Variants in DNM3 observed in about 807,000 individuals in gnomAD.
The protein encoded by DNM3 is dynamin-3.
In DNM3, 47 loss-of-function variants were observed where a neutral mutation model predicts 101.6. That is an observed-to-expected ratio of 0.46 (90% CI 0.37 to 0.59). The LOEUF is 0.59. Ranked by LOEUF, DNM3 falls within the 20% of genes least tolerant of loss-of-function variation. DNM3 has a pLI of 0.00. For synonymous variants in DNM3, 385 were observed against 387.9 expected, an observed-to-expected ratio of 0.99 and a Z score of 0.09; for missense variants, 849 against 1,085.7, an observed-to-expected ratio of 0.78 and a Z score of 3.06.
chr1:172,169,884 T>C (rs2058887628), intron 14 of DNM3, among the ~76,000 whole-genome samples: 1 of 151,914 alleles, frequency 6.6e-6, no homozygotes, highest in Non-Finnish European at 1.5e-5. Context: ...TTTCTTCTTT[T>C]GAAGAATTTT....
rs892331328 is a variant in DNM3, at chr1:172,408,178, T to C, written c.*337T>C. ...TCTAGGCTATCTACCAGGTAGCTCA[T>C]TAAACGTAATTCTTCAGATATGAGA... On this transcript the variant is annotated 3_prime_UTR_variant, in exon 21 of 21. Transcript: ENST00000627582. 8.3e-6 allele frequency: 9 copies of C among 1,088,386 alleles called. No individual in the cohort carries two copies. The East Asian group carries it at 1.8e-4, about 22-fold the overall frequency. The allele number at this position is 1,088,386 out of a possible 1,614,324, so 67.4% of individuals were successfully genotyped here. A position where few individuals can be genotyped will look rare whatever the true frequency, so the allele number is the denominator to read the frequency against.
chr1:172,308,112 A>AC (rs2064922027), intron 15 of DNM3, among the ~76,000 whole-genome samples: 1 of 152,186 alleles, frequency 6.6e-6, no homozygotes, highest in Non-Finnish European at 1.5e-5. Context: ...TCTTTTCTCT[A>AC]CTTTCCAAAT....
At chr1:172,210,991 A>G (rs1205229926) in intron 14 of DNM3, among the ~76,000 whole-genome samples, 1 of 152,092 alleles carries the variant, frequency 6.6e-6, no homozygotes, top group African/African-American at 2.4e-5. Flanking sequence ...ATTCTGACAA[A>G]TTTAAGAAAT....
At chr1:172,312,542 A>C (rs1396542116) in intron 16 of DNM3, among the ~76,000 whole-genome samples, 4 of 152,192 alleles carry the variant, frequency 2.6e-5, no homozygotes, top group Admixed American at 2.0e-4. Context: ...ATCACGTCCA[A>C]GTGATGGAAT....
At chr1:172,378,454 C>T (rs145601617) in intron 17 of DNM3, among the ~76,000 whole-genome samples, 99 of 152,162 alleles carry the variant, frequency 6.5e-4, no homozygotes, top group African/African-American at 2.0e-3. Flanking sequence ...CATGAATTTA[C>T]GTAACAAATT....
At chr1:171,949,977 A>G (rs1426182195) in intron 2 of DNM3, among the ~76,000 whole-genome samples, 1 of 152,210 alleles carries the variant, frequency 6.6e-6, no homozygotes, top group African/African-American at 2.4e-5. Context: ...CAACTTGAAT[A>G]CAAATAGCCA....
intron 16 of DNM3, among the ~76,000 whole-genome samples, chr1:172,316,165 A>C (rs1211910986): frequency 6.6e-6 from 1 of 152,146 alleles, no homozygotes; most frequent in Admixed American, 6.5e-5. Context: ...GAGAAATAAA[A>C]TACTTCACAG....
chr1:172,145,052 T>C, intron 14 of DNM3, among the ~76,000 whole-genome samples: 1 of 151,326 alleles, frequency 6.6e-6, no homozygotes, highest in East Asian at 1.9e-4. Flanking sequence ...GGCCCCAGTA[T>C]GGAAAAGCTG....
In DNM3 at chr1:172,064,131, T is replaced by C. The variant is rs527830186; in HGVS notation, c.1336-4688T>C. Among the ~76,000 whole-genome samples, 3 of 152,278 alleles carry C rather than the reference T, an allele frequency of 2.0e-5. No homozygotes were observed. In the East Asian group the frequency reaches 5.8e-4, roughly 29 times the overall value. On this transcript the variant is annotated intron_variant, in intron 10 of 20. Transcript: ENST00000627582. The stretch of plus-strand genomic sequence containing the variant: ...CATAAATTTAGGAATGTAATTATTA[T>C]AACTAATAGCAAATCCTTCATCCCT...
At chr1:172,340,399 G>A (rs574599075) in intron 17 of DNM3, among the ~76,000 whole-genome samples, 41 of 152,280 alleles carry the variant, frequency 2.7e-4, no homozygotes, top group African/African-American at 8.4e-4. Flanking sequence ...TACTTGGTCC[G>A]CATAGCTGGT....
intron 4 of DNM3, among the ~76,000 whole-genome samples, chr1:172,001,244 A>G (rs955512061): frequency 2.0e-5 from 3 of 152,058 alleles, no homozygotes; most frequent in African/African-American, 7.2e-5. Flanking sequence ...ATATCTGCCT[A>G]TCCTGGTAAG....
chr1:172,117,199 C>A (rs2055967498), intron 13 of DNM3, among the ~76,000 whole-genome samples: 1 of 150,314 alleles, frequency 6.7e-6, no homozygotes, highest in Admixed American at 6.6e-5. Context: ...GAGCAAAACT[C>A]CATCTCAAAA....
At chr1:172,238,929 G>C (rs2061642020) in intron 14 of DNM3, among the ~76,000 whole-genome samples, 1 of 152,122 alleles carries the variant, frequency 6.6e-6, no homozygotes, top group Non-Finnish European at 1.5e-5. Flanking sequence ...AAAGGCAAAT[G>C]ATTCTCTAAT....
rs1164290985 is a variant in DNM3, at chr1:172,408,021, T to A, written c.*180T>A. ...CATGGTATGTCAAACCTTTGGGGTT[T>A]GACTCAGAAACTGCTAACCTTTTAG... On this transcript the variant is annotated 3_prime_UTR_variant, in exon 21 of 21. Coordinates refer to ENST00000627582, the MANE Select transcript of DNM3 (RefSeq NM_015569.5). The A allele has an allele frequency of 6.9e-7, 1 of 1,446,554 alleles. No homozygotes were observed. Among genetic ancestry groups the A allele is most frequent in the Non-Finnish European group, 9.1e-7 (1 of 1,100,510 alleles). The allele number at this position is 1,446,554 out of a possible 1,614,324, so 89.6% of individuals were successfully genotyped here. A position where few individuals can be genotyped will look rare whatever the true frequency, so the allele number is the denominator to read the frequency against.
Position 171,965,090 on chromosome 1 carries a change from C to A in DNM3, c.236-22566C>A, listed in dbSNP as rs1356971065. On this transcript the variant is annotated intron_variant, in intron 2 of 20. Transcript: ENST00000627582. The stretch of plus-strand genomic sequence containing the variant: ...GACTGTCCCGAGTTCAAATGCCAAT[C>A]TCAAGTAGTGAGTCCCCAGGTAATC... Among the ~76,000 whole-genome samples, 8 of 152,168 alleles carry A rather than the reference C, an allele frequency of 5.3e-5. No individual in the cohort carries two copies. The East Asian group carries it at 1.5e-3, about 29-fold the overall frequency.
intron 4 of DNM3, among the ~76,000 whole-genome samples, chr1:172,009,399 A>C (rs911600673): frequency 1.3e-5 from 2 of 151,312 alleles, no homozygotes; most frequent in Admixed American, 6.6e-5. Flanking sequence ...CAAAAAGCTT[A>C]CTGGGATTTT....
rs542825420 is a variant in DNM3 at position 172,123,799 on chromosome 1, C to T, written c.1546-7376C>T. ...AGCGGTATTGCTCCATCTTCTCCCA[C>T]CTTTTATTCCATTGAGTTTAATCCT... On this transcript the variant is annotated intron_variant, in intron 13 of 20. Transcript: ENST00000627582. Among the ~76,000 whole-genome samples, 126 of 152,348 alleles carry T rather than the reference C, an allele frequency of 8.3e-4. 1 individual carries two copies. The highest frequency in any genetic ancestry group is 6.8e-3 in the Middle Eastern group (2 of 294).
chr1:172,392,426 GTATT>G (rs61476903), intron 20 of DNM3, among the ~76,000 whole-genome samples: 109,262 of 151,724 alleles, frequency 0.72, 41,600 homozygotes, highest in East Asian at 0.88. Context: ...AATCCAGTGT[GTATT>G]TATTTACTTA....
At chr1:172,352,093 A>G (rs2067226591) in intron 17 of DNM3, among the ~76,000 whole-genome samples, 1 of 152,196 alleles carries the variant, frequency 6.6e-6, no homozygotes. Context: ...CTGTGTGTGT[A>G]ATACTGGACT....
Sources: gnomAD v4.1 joint callset for allele counts (sites outside exome capture counted in the v4.1 genomes callset) on GRCh38, gnomAD v4.1.1 for gene constraint, MANE v1.5 for transcripts, NCBI Gene and HGNC (gene_info 2026-07-23, HGNC 2026-07-21) for gene names.